The following XPO7 variants were observed in gnomAD, a reference collection of about 807,000 sequenced individuals.
The protein encoded by XPO7 is exportin 7, also known as exportin-7.
XPO7 carries 21 observed loss-of-function variants against 144.3 expected under a neutral mutation model. The observed-to-expected ratio is 0.15, with a 90% CI of 0.10 to 0.21. XPO7 has a LOEUF of 0.21. Ranked by LOEUF, XPO7 falls within the 10% of genes least tolerant of loss-of-function variation. The pLI, the probability that XPO7 is intolerant of heterozygous loss-of-function variation, is 1.00. For synonymous variants in XPO7, 580 were observed against 499.6 expected, an observed-to-expected ratio of 1.16 and a Z score of -2.15; for missense variants, 808 against 1,325.8, an observed-to-expected ratio of 0.61 and a Z score of 6.06.
chr8:21,968,489 A>G lies in XPO7; in HGVS notation c.166-994A>G, dbSNP rs142198456. On this transcript the variant is annotated intron_variant, in intron 2 of 27. Coordinates refer to ENST00000252512, the MANE Select transcript of XPO7 (RefSeq NM_015024.5). ...GTTTTACGCACATAGTGTTTTATAT[A>G]TTGCTCTTAAATCACTTGGTGTTTG... Among the ~76,000 whole-genome samples the G allele has an allele frequency of 1.3e-4, 20 of 152,264 alleles. No homozygotes were observed. In the East Asian group the frequency reaches 3.7e-3, roughly 28 times the overall value.
At chr8:21,936,865 T>A (rs1810838101) in intron 1 of XPO7, among the ~76,000 whole-genome samples, 2 of 152,182 alleles carry the variant, frequency 1.3e-5, no homozygotes, top group Admixed American at 1.3e-4. Context: ...GAATAATATT[T>A]ACTTCATATA....
intron 2 of XPO7, among the ~76,000 whole-genome samples, chr8:21,967,553 G>A (rs767000762): frequency 2.6e-5 from 4 of 151,880 alleles, no homozygotes; most frequent in Admixed American, 6.6e-5. Flanking sequence ...GGCTGGTCTC[G>A]ATCTCCTGAC....
At chr8:21,959,987 A>G (rs898402978) in intron 1 of XPO7, among the ~76,000 whole-genome samples, 8 of 152,164 alleles carry the variant, frequency 5.3e-5, no homozygotes, top group African/African-American at 1.9e-4. Flanking sequence ...GTTCAGCCCA[A>G]ATCTGTTGTC....
In XPO7 at chr8:21,999,558, CTTA is replaced by C; in HGVS notation, c.2672_2674del (p.Tyr891del). 2 of 1,614,010 alleles carry C rather than the reference CTTA, an allele frequency of 1.2e-6. No homozygotes were observed. Among genetic ancestry groups the C allele is most frequent in the Non-Finnish European group, 1.7e-6 (2 of 1,179,902 alleles). ...CAGGATTACCCCAAGCTCAGCCAGT[CTTA>C]TTATTCACTACTGGAAGTCCTGACC... On this transcript the variant is annotated inframe_deletion, in exon 24 of 28. Transcript: ENST00000252512.
At chr8:21,988,779 T>C (rs1382013170) in intron 15 of XPO7, 1 of 534,684 alleles carries the variant, frequency 1.9e-6, no homozygotes, top group East Asian at 3.3e-5. Context: ...CCAGTGTAGC[T>C]TTGGAACCAA....
intron 8 of XPO7, among the ~76,000 whole-genome samples, chr8:21,978,445 G>C (rs1214267876): frequency 6.6e-6 from 1 of 152,238 alleles, no homozygotes; most frequent in Non-Finnish European, 1.5e-5. Context: ...GAAGTAATGA[G>C]TGGTGTGCAT....
intron 1 of XPO7, among the ~76,000 whole-genome samples, chr8:21,947,332 G>T (rs377644654): frequency 2.0e-5 from 3 of 152,004 alleles, no homozygotes; most frequent in African/African-American, 7.2e-5. Flanking sequence ...GTACTGGGGA[G>T]AAAAATGGAA....
At chr8:21,989,810 A>T in intron 16 of XPO7, among the ~76,000 whole-genome samples, 2 of 70,492 alleles carry the variant, frequency 2.8e-5, no homozygotes, top group Admixed American at 1.8e-4. Flanking sequence ...GGAGTTTGGT[A>T]TAGGTGTTTC....
At chr8:21,990,580 G>T (rs1812738572) in intron 17 of XPO7, 173 bp downstream of exon 17, 1 of 782,712 alleles carries the variant, frequency 1.3e-6, no homozygotes, top group African/African-American at 1.7e-5. Context: ...GGCTCTTTGA[G>T]ATCCAGATGA....
intron 4 of XPO7, among the ~76,000 whole-genome samples, chr8:21,970,690 A>G (rs941231510): frequency 2.0e-5 from 3 of 152,194 alleles, no homozygotes; most frequent in Admixed American, 6.5e-5. Flanking sequence ...TAGCCTTGGA[A>G]AGATATTTCC....
intron 1 of XPO7, among the ~76,000 whole-genome samples, chr8:21,929,215 C>T (rs1365819333): frequency 2.0e-5 from 3 of 152,198 alleles, no homozygotes; most frequent in African/African-American, 7.2e-5. Flanking sequence ...GACAGTGCTA[C>T]TCTAGAATAA....
chr8:21,999,774 A>G, intron 24 of XPO7, 100 bp downstream of exon 24: 1 of 1,479,192 alleles, frequency 6.8e-7, no homozygotes, highest in Non-Finnish European at 9.2e-7. Flanking sequence ...AAAGATCACC[A>G]CTGCCTTGGG....
At chr8:21,971,007 G>A (rs74950112) in intron 4 of XPO7, among the ~76,000 whole-genome samples, 4 of 152,096 alleles carry the variant, frequency 2.6e-5, no homozygotes, top group African/African-American at 9.6e-5. Flanking sequence ...TCCATTCATG[G>A]TAAGCGCCCT....
chr8:22,003,006 C>A, intron 25 of XPO7: 1 of 388,344 alleles, frequency 2.6e-6, no homozygotes, highest in East Asian at 4.9e-5. Flanking sequence ...GAAGTTCAAA[C>A]CAATTTTAAG....
chr8:21,983,173 A>C (rs1386922190), intron 11 of XPO7, among the ~76,000 whole-genome samples: 1 of 152,136 alleles, frequency 6.6e-6, no homozygotes, highest in Non-Finnish European at 1.5e-5. Flanking sequence ...CTTAATGTGA[A>C]CTCCTAAAGA....
intron 1 of XPO7, among the ~76,000 whole-genome samples, chr8:21,940,805 C>T (rs7818254): frequency 0.56 from 85,360 of 151,854 alleles, 24,419 homozygotes; most frequent in African/African-American, 0.67. Flanking sequence ...TATAGTCTTG[C>T]CAAAAACACT....
At chr8:21,927,230 A>T (rs934679874) in intron 1 of XPO7, among the ~76,000 whole-genome samples, 2 of 152,142 alleles carry the variant, frequency 1.3e-5, no homozygotes, top group Non-Finnish European at 2.9e-5. Flanking sequence ...CTTTTAAAAA[A>T]AATTAATTAA....
At chr8:21,966,756 T>C (rs1811898124) in intron 1 of XPO7, 101 bp from the exon 2 acceptor site, 1 of 1,471,904 alleles carries the variant, frequency 6.8e-7, no homozygotes, top group Non-Finnish European at 9.0e-7. Flanking sequence ...AGCAATTCTT[T>C]CTTTACTGAT....
At chr8:21,980,353 G>A in intron 9 of XPO7, 150 bp downstream of exon 9, 1 of 1,051,186 alleles carries the variant, frequency 9.5e-7, no homozygotes, top group Non-Finnish European at 1.3e-6. Context: ...GGCCAATTCT[G>A]AGATTATTTG....
Sources: allele counts gnomAD v4.1 joint callset (sites outside exome capture counted in the v4.1 genomes callset), GRCh38; gene constraint gnomAD v4.1.1; transcripts MANE v1.5; gene names NCBI Gene and HGNC (gene_info 2026-07-23, HGNC 2026-07-21).